Variants in PMFBP1 observed in about 807,000 individuals in gnomAD.
PMFBP1 encodes polyamine-modulated factor 1-binding protein 1.
In PMFBP1, 131 loss-of-function variants were observed where a neutral mutation model predicts 137.8. The ratio of observed to expected loss-of-function variants is 0.95; its 90% CI spans 0.82 to 1.10. The LOEUF is 1.10. Ranked by LOEUF, PMFBP1 falls within the 50% of genes least tolerant of loss-of-function variation. The pLI is 0.00. For missense variants in PMFBP1, 1,199 were observed against 1,175.4 expected, an observed-to-expected ratio of 1.02 and a Z score of -0.29; for synonymous variants, 490 against 450.4, an observed-to-expected ratio of 1.09 and a Z score of -1.11.
chr16:72,128,997 G>C, intron 13 of PMFBP1, 69 bp downstream of exon 13: 5 of 1,560,688 alleles, frequency 3.2e-6, no homozygotes, highest in Non-Finnish European at 3.5e-6. Flanking sequence ...CCGCATCCCT[G>C]GAGGCCCAGG....
chr16:72,164,494 T>C lies in PMFBP1; in HGVS notation c.165+270A>G, dbSNP rs536001903. 15 of 1,435,120 alleles carry C rather than the reference T, an allele frequency of 1.0e-5. No individual in the cohort carries two copies. In the South Asian group the frequency reaches 1.8e-4, roughly 17 times the overall value. 88.9% of individuals were successfully genotyped at this position (1,435,120 alleles called of 1,614,324 possible). Reference sequence around the variant, plus strand: ...TATTTTCAGGGCAATGAGCTGTAAATACAGGTGTGAAAGGCCAGATAAGGA... The same window carrying C: ...TATTTTCAGGGCAATGAGCTGTAAACACAGGTGTGAAAGGCCAGATAAGGA... On this transcript the variant is annotated intron_variant, in intron 3 of 20. Transcript: ENST00000237353.
chr16:72,135,513 G>A (rs994330518), intron 9 of PMFBP1, among the ~76,000 whole-genome samples: 7 of 151,740 alleles, frequency 4.6e-5, no homozygotes, highest in South Asian at 2.1e-4. Context: ...CACCGCACCC[G>A]GCCGTCAGCT....
At position 72,130,569 on chromosome 16, in the gene PMFBP1, T is replaced by G; in HGVS notation, c.1601A>C (p.Glu534Ala). ...LQRELQMLQK[E>A]SSMAEKEQTS... ...TTGTTCCTTCTCAGCCATCGAGGACTCCTTCTGCAGCATCTGAAGTTCTCT... is the reference window on the plus strand; with the variant it reads ...TTGTTCCTTCTCAGCCATCGAGGACGCCTTCTGCAGCATCTGAAGTTCTCT... Residue 534 changes from glutamate (E) to alanine (A), a missense_variant, in exon 11 of 21, where the codon GAG becomes GCG. Glu to Ala is a moderately radical substitution (Grantham distance 107, BLOSUM62 -1). Transcript: ENST00000237353. 6.2e-7 allele frequency: 1 copy of G among 1,614,120 alleles called. No homozygotes were observed. Among genetic ancestry groups the G allele is most frequent in the South Asian group, 1.1e-5 (1 of 91,074 alleles).
chr16:72,172,646 T>C (rs956300048), upstream of PMFBP1, among the ~76,000 whole-genome samples: 1 of 151,784 alleles, frequency 6.6e-6, no homozygotes, highest in Non-Finnish European at 1.5e-5. Flanking sequence ...GCGGGTTTGG[T>C]TTCTGACCAC....
the PMFBP1 span, among the ~76,000 whole-genome samples, chr16:72,234,100 G>A: frequency 3.3e-5 from 5 of 152,148 alleles, no homozygotes; most frequent in Admixed American, 3.3e-4. Context: ...AAACCTAGGA[G>A]TGGAATTACT....
Position 72,123,526 on chromosome 16 carries a change from C to G in PMFBP1, c.2693+20G>C. On this transcript the variant is annotated intron_variant, in intron 18 of 20. Coordinates refer to ENST00000237353, the MANE Select transcript of PMFBP1 (RefSeq NM_031293.3). ...AGTCCAGGCCTCGGACCCTGCCTCC[C>G]TTTTTCCTCCCATACTCACTTCTGC... 1 of 1,611,522 alleles carries G rather than the reference C, an allele frequency of 6.2e-7. No individual in the cohort carries two copies. Among genetic ancestry groups the G allele is most frequent in the Non-Finnish European group, 8.5e-7 (1 of 1,178,090 alleles).
chr16:72,248,038 G>C, the PMFBP1 span, among the ~76,000 whole-genome samples: 1 of 152,144 alleles, frequency 6.6e-6, no homozygotes, highest in Non-Finnish European at 1.5e-5. Context: ...AGAAAGCTGT[G>C]ATTTGTAACA....
chr16:72,215,917 T>C, the PMFBP1 span, among the ~76,000 whole-genome samples: 1 of 152,216 alleles, frequency 6.6e-6, no homozygotes, highest in Non-Finnish European at 1.5e-5. Context: ...CTAACTACCT[T>C]TACCCCCTTT....
the PMFBP1 span, among the ~76,000 whole-genome samples, chr16:72,192,244 G>C: frequency 6.6e-6 from 1 of 152,224 alleles, no homozygotes; most frequent in African/African-American, 2.4e-5. Flanking sequence ...TGAGAGGAGA[G>C]AGAGAGACAG....
At chr16:72,136,371 AG>A (rs2042631044) in intron 9 of PMFBP1, 76 bp downstream of exon 9, 4 of 1,520,728 alleles carry the variant, frequency 2.6e-6, no homozygotes, top group Non-Finnish European at 3.6e-6. Context: ...TGGTGGGTGA[AG>A]GCAGAACCGG....
intron 5 of PMFBP1, among the ~76,000 whole-genome samples, chr16:72,147,725 C>T (rs1468790561): frequency 6.6e-6 from 1 of 152,124 alleles, no homozygotes; most frequent in Non-Finnish European, 1.5e-5. Flanking sequence ...TGAACAGACA[C>T]TTCTCAAAAG....
chr16:72,118,624 A>G (rs2042331674), downstream of PMFBP1, among the ~76,000 whole-genome samples: 1 of 152,210 alleles, frequency 6.6e-6, no homozygotes. Flanking sequence ...ACATGTACTC[A>G]GTTTAACAAA....
chr16:72,238,069 C>T, the PMFBP1 span, among the ~76,000 whole-genome samples: 1 of 152,170 alleles, frequency 6.6e-6, no homozygotes, highest in Admixed American at 6.5e-5. Context: ...TAAGTTGATG[C>T]CATGTCTTTG....
rs563423693 is a variant in PMFBP1 at position 72,135,361 on chromosome 16, T to TGTG, written c.1203+1086_1203+1087insCAC. On this transcript the variant is annotated intron_variant, in intron 9 of 20. Transcript: ENST00000237353. ...TGGCTAATTTTGTGTGTGTGTGTGT[T>TGTG]TTTTTTTTTTTTTTTTTGTTGTTGT... Among the ~76,000 whole-genome samples the TGTG allele has an allele frequency of 4.7e-3, 665 of 141,852 alleles. 5 individuals carry two copies. Among genetic ancestry groups the TGTG allele is most frequent in the South Asian group, 3.3e-3 (15 of 4,500 alleles). 93.1% of individuals were successfully genotyped at this position (141,852 alleles called of 152,430 possible).
chr16:72,239,708 A>C, the PMFBP1 span, among the ~76,000 whole-genome samples: 2 of 151,960 alleles, frequency 1.3e-5, no homozygotes, highest in East Asian at 3.9e-4. Context: ...CCTGGCCAAC[A>C]TGGTGAAACC....
intron 2 of PMFBP1, among the ~76,000 whole-genome samples, chr16:72,166,348 C>T (rs562158156): frequency 6.6e-6 from 1 of 152,254 alleles, no homozygotes; most frequent in Non-Finnish European, 1.5e-5. Flanking sequence ...GTAAGATGTG[C>T]CTTGCTTCCC....
At chr16:72,227,131 G>C in the PMFBP1 span, among the ~76,000 whole-genome samples, 9 of 148,638 alleles carry the variant, frequency 6.1e-5, no homozygotes, top group East Asian at 1.7e-3. Context: ...TTTAGGAATT[G>C]TAAAGACTAC....
chr16:72,145,113 T>C (rs919354207), intron 5 of PMFBP1, among the ~76,000 whole-genome samples: 3 of 152,156 alleles, frequency 2.0e-5, no homozygotes, highest in Non-Finnish European at 2.9e-5. Flanking sequence ...TATTCTAAAA[T>C]TGATCACATA....
At chr16:72,132,157 A>T (rs935811269) in intron 10 of PMFBP1, among the ~76,000 whole-genome samples, 1 of 152,158 alleles carries the variant, frequency 6.6e-6, no homozygotes, top group Non-Finnish European at 1.5e-5. Context: ...TTCACCCTTT[A>T]AAAGTATACA....
Sources: gnomAD v4.1 joint callset for allele counts (sites outside exome capture counted in the v4.1 genomes callset) on GRCh38, gnomAD v4.1.1 for gene constraint, MANE v1.5 for transcripts, NCBI Gene and HGNC (gene_info 2026-07-23, HGNC 2026-07-21) for gene names.